The following STOX2 variants were observed in gnomAD, a reference collection of about 807,000 sequenced individuals.
The protein encoded by STOX2 is storkhead box 2.
In STOX2, 28 loss-of-function variants were observed where a neutral mutation model predicts 60.9. That is an observed-to-expected ratio of 0.46 (90% CI 0.34 to 0.63). The LOEUF (loss-of-function observed/expected upper bound fraction) is 0.63. STOX2 is among the 30% of genes least tolerant of loss of function. The probability of loss-of-function intolerance (pLI) is 0.01; values close to 1 mark genes in which losing one functional copy is unlikely to be tolerated. For synonymous variants in STOX2, 472 were observed against 463.9 expected (o/e 1.02, Z -0.22); for missense variants, 1,024 against 1,187.7 (o/e 0.86, Z 2.03).
At chr4:183,908,801 G>GTTTCAGGTTGGCGGTT (rs1411460952) in intron 1 of STOX2, among the ~76,000 whole-genome samples, 2 of 152,108 alleles carry the variant, frequency 1.3e-5, no homozygotes, top group African/African-American at 4.8e-5. Flanking sequence ...AGGATAACCT[G>GTTTCAGGTTGGCGGTT]TTTCAGGTTG....
At chr4:184,007,045 A>AAAAAAAAAAC (rs1553987519) in intron 2 of STOX2, among the ~76,000 whole-genome samples, 11 of 118,472 alleles carry the variant, frequency 9.3e-5, no homozygotes, top group African/African-American at 2.8e-4. Flanking sequence ...AAACAAAAAA[A>AAAAAAAAAAC]AAATTTTGTT....
chr4:183,896,173 G>T (rs565140844), intron 1 of STOX2, among the ~76,000 whole-genome samples: 1 of 152,118 alleles, frequency 6.6e-6, no homozygotes, highest in Non-Finnish European at 1.5e-5. Context: ...GCGAGAACTT[G>T]GGTATTTATA....
At chr4:183,831,911 G>C (rs368328628) in intron 1 of STOX2, among the ~76,000 whole-genome samples, 1 of 151,790 alleles carries the variant, frequency 6.6e-6, no homozygotes, top group Non-Finnish European at 1.5e-5. Context: ...CCTGTTTCCA[G>C]GCTTTAGTCC....
intron 1 of STOX2, among the ~76,000 whole-genome samples, chr4:183,859,062 C>T (rs1266937193): frequency 6.6e-6 from 1 of 152,174 alleles, no homozygotes; most frequent in Non-Finnish European, 1.5e-5. Context: ...TCTCAGTCTT[C>T]AGGATTCTTT....
chr4:183,851,514 A>AGG (rs1740137316), intron 1 of STOX2, among the ~76,000 whole-genome samples: 3 of 56,148 alleles, frequency 5.3e-5, no homozygotes, highest in Admixed American at 1.5e-4. Context: ...GGAAAGGATG[A>AGG]GAGAAACGAT....
At chr4:183,947,455 A>T (rs1420724823) in intron 1 of STOX2, among the ~76,000 whole-genome samples, 1 of 152,066 alleles carries the variant, frequency 6.6e-6, no homozygotes, top group Non-Finnish European at 1.5e-5. Flanking sequence ...ATCTCAAAAT[A>T]TGCCCTGTTG....
At chr4:183,921,235 G>C (rs904222080) in intron 1 of STOX2, among the ~76,000 whole-genome samples, 1 of 152,186 alleles carries the variant, frequency 6.6e-6, no homozygotes, top group African/African-American at 2.4e-5. Context: ...TGGGGGCAAA[G>C]AAGAAGTTCT....
chr4:183,862,883 C>T (rs953826041), intron 1 of STOX2, among the ~76,000 whole-genome samples: 10 of 152,124 alleles, frequency 6.6e-5, no homozygotes, highest in African/African-American at 1.7e-4. Context: ...ACTACCACCT[C>T]GTGAGGCCTA....
chr4:183,969,205 T>C (rs1271636206), intron 1 of STOX2, among the ~76,000 whole-genome samples: 1 of 152,208 alleles, frequency 6.6e-6, no homozygotes, highest in East Asian at 1.9e-4. Flanking sequence ...GCTTCATCAG[T>C]GTACGTGTTA....
chr4:183,960,654 T>C (rs1743385618), intron 1 of STOX2, among the ~76,000 whole-genome samples: 1 of 152,226 alleles, frequency 6.6e-6, no homozygotes, highest in Non-Finnish European at 1.5e-5. Context: ...AGAGGATATT[T>C]TGGCATTGAT....
intron 1 of STOX2, among the ~76,000 whole-genome samples, chr4:183,864,254 C>T (rs1740515468): frequency 6.6e-6 from 1 of 152,104 alleles, no homozygotes; most frequent in South Asian, 2.1e-4. Context: ...ATTTTCCAGA[C>T]TTATTTAACT....
intron 1 of STOX2, among the ~76,000 whole-genome samples, chr4:183,994,150 C>T (rs992843851): frequency 1.3e-5 from 2 of 152,156 alleles, no homozygotes; most frequent in Admixed American, 1.3e-4. Flanking sequence ...TAAGATAAAA[C>T]TTGGCGAAAG....
intron 1 of STOX2, among the ~76,000 whole-genome samples, chr4:183,919,537 G>A (rs1227548476): frequency 1.3e-5 from 2 of 152,170 alleles, no homozygotes. Context: ...GTGTGCTCCT[G>A]AAATGTCAGT....
At chr4:183,911,927 A>C (rs527712759) in intron 1 of STOX2, among the ~76,000 whole-genome samples, 2 of 152,362 alleles carry the variant, frequency 1.3e-5, no homozygotes, top group African/African-American at 4.8e-5. Flanking sequence ...GTATAGATAT[A>C]GTCTACTCCA....
chr4:183,854,258 G>A (rs1740234323), intron 1 of STOX2, among the ~76,000 whole-genome samples: 1 of 152,158 alleles, frequency 6.6e-6, no homozygotes, highest in Admixed American at 6.5e-5. Flanking sequence ...TATTATTCTT[G>A]AGAAGGTACT....
chr4:183,979,591 T>G (rs554020875), intron 1 of STOX2, among the ~76,000 whole-genome samples: 1 of 152,280 alleles, frequency 6.6e-6, no homozygotes, highest in South Asian at 2.1e-4. Flanking sequence ...TGAAATAATA[T>G]TTTATTATTA....
intron 1 of STOX2, among the ~76,000 whole-genome samples, chr4:183,974,266 C>G (rs563186851): frequency 6.6e-6 from 1 of 151,788 alleles, no homozygotes; most frequent in East Asian, 1.9e-4. Context: ...AAAAATAGAG[C>G]ACTGAAAATA....
rs552315573 is a variant in STOX2, at chr4:183,892,439, C to T, written c.364+94384C>T. Among the ~76,000 whole-genome samples, 35 of 152,078 alleles carry T rather than the reference C, an allele frequency of 2.3e-4. 1 individual carries two copies. Among genetic ancestry groups the T allele is most frequent in the African/African-American group, 8.2e-4 (34 of 41,374 alleles). On this transcript the variant is annotated intron_variant, in intron 1 of 2. Coordinates refer to the STOX2 transcript ENST00000513034. ...GACTATGGGCGCCCGCCACCACGCC[C>T]GGCTAATTTTTTTTGTATTTTTAGT...
At chr4:183,956,649 TATG>T (rs1743259720) in intron 1 of STOX2, among the ~76,000 whole-genome samples, 1 of 152,224 alleles carries the variant, frequency 6.6e-6, no homozygotes, top group African/African-American at 2.4e-5. Flanking sequence ...TGATCATTGA[TATG>T]ATACTATTTC....
Sources: allele counts gnomAD v4.1 joint callset (sites outside exome capture counted in the v4.1 genomes callset), GRCh38; gene constraint gnomAD v4.1.1; transcripts MANE v1.5; gene names NCBI Gene and HGNC (gene_info 2026-07-23, HGNC 2026-07-21).